Variants in NFXL1 observed in about 807,000 individuals in gnomAD.
NFXL1 encodes NF-X1-type zinc finger protein NFXL1.
NFXL1 carries 66 observed loss-of-function variants against 123.3 expected under a neutral mutation model. The ratio of observed to expected loss-of-function variants is 0.54; its 90% confidence interval spans 0.44 to 0.66. NFXL1 has a LOEUF of 0.66. NFXL1 is among the 30% of genes least tolerant of loss of function. The pLI is 0.00. For synonymous variants in NFXL1, 346 were observed against 360.8 expected (o/e 0.96, Z 0.46); for missense variants, 944 against 1,125.6 (o/e 0.84, Z 2.31).
chr4:47,893,925 T>TAATC (rs1553925883), intron 11 of NFXL1, among the ~76,000 whole-genome samples: 5 of 105,050 alleles, frequency 4.8e-5, no homozygotes, highest in Non-Finnish European at 9.8e-5. Context: ...TGATCAGAAA[T>TAATC]AGTGATCAGA....
At chr4:47,905,372 C>G in intron 3 of NFXL1, 26 bp from the exon 4 acceptor site, 1 of 1,110,962 alleles carries the variant, frequency 9.0e-7, no homozygotes, top group Admixed American at 1.8e-5. Context: ...TTGAAAATCT[C>G]ACCCTAAACA....
At position 47,878,574 on chromosome 4, in the gene NFXL1, T is replaced by C; in HGVS notation, c.2030A>G (p.Lys677Arg). The C allele has an allele frequency of 6.2e-7, 1 of 1,607,488 alleles. No homozygotes were observed. Among genetic ancestry groups the C allele is most frequent in the Non-Finnish European group, 8.5e-7 (1 of 1,176,854 alleles). ...AGTTTTGGTTACTTTGTGGCATTCT[T>C]TCATACATGTGTGATTCTGACAATC... Reference protein sequence around the residue: ...ILDCQNHTCMKECHKVTKTDG... With the variant: ...ILDCQNHTCMRECHKVTKTDG... Residue 677 changes from lysine (K) to arginine (R), a missense_variant, in exon 17 of 23, where the codon AAA becomes AGA. Transcript: ENST00000507489.
At position 47,914,085 on chromosome 4, in the gene NFXL1, C is replaced by T. The variant is rs531616884; in HGVS notation, c.119G>A (p.Gly40Glu). The stretch of plus-strand genomic sequence containing the variant: ...GCCAGAAGGAACTGCGCCCACCGAC[C>T]CCTTCTCTCGCCCTCCTCCGGCGCC... ...LRGAGGGREKGSVGAVPSGTS... is the reference protein window; with the variant it reads ...LRGAGGGREKESVGAVPSGTS... Residue 40 changes from glycine (G) to glutamate (E), a missense_variant, in exon 2 of 23, where the codon GGG becomes GAG. Coordinates refer to ENST00000507489, the MANE Select transcript of NFXL1 (RefSeq NM_001278624.2). 2 of 1,551,022 alleles carry T rather than the reference C, an allele frequency of 1.3e-6. No individual in the cohort carries two copies. The highest frequency in any genetic ancestry group is 2.4e-5 in the South Asian group (2 of 84,120).
chr4:47,894,341 G>T (rs1260679615), intron 10 of NFXL1, 39 bp from the exon 11 acceptor site: 3 of 1,488,164 alleles, frequency 2.0e-6, no homozygotes, highest in Non-Finnish European at 2.7e-6. Context: ...ATTGATTTTT[G>T]TTAATATTTT....
chr4:47,868,220 T>C (rs1332019221), intron 18 of NFXL1, among the ~76,000 whole-genome samples: 1 of 150,848 alleles, frequency 6.6e-6, no homozygotes, highest in Non-Finnish European at 1.5e-5. Context: ...GCGGGAGGCT[T>C]AGGCAGGAAA....
Position 47,886,014 on chromosome 4 carries a change from T to C in NFXL1, c.1544-15A>G, listed in dbSNP as rs749678235. 1 of 1,605,984 alleles carries C rather than the reference T, an allele frequency of 6.2e-7. No individual in the cohort carries two copies. The highest frequency in any genetic ancestry group is 1.7e-5 in the Admixed American group (1 of 57,538). On this transcript the variant is annotated splice_polypyrimidine_tract_variant and intron_variant, in intron 12 of 22. Transcript: ENST00000507489. ...ATAGCAACTGCCTGAAAAAAAAGTCTGACAATTAAAAAGTTTCCTTAACTA... is the reference window on the plus strand; with the variant it reads ...ATAGCAACTGCCTGAAAAAAAAGTCCGACAATTAAAAAGTTTCCTTAACTA...
rs561889229 is a variant in NFXL1 at position 47,867,766 on chromosome 4, G to A, written c.2247-4851C>T. ...AATTTCTCAAAAGTAAAATATAAAC[G>A]AAAGCAGCATAGAGCCACATTTCCA... On this transcript the variant is annotated intron_variant, in intron 18 of 22. Transcript: ENST00000507489. Among the ~76,000 whole-genome samples the A allele has an allele frequency of 2.3e-4, 35 of 152,168 alleles. No individual in the cohort carries two copies. The South Asian group carries it at 6.6e-3, about 29-fold the overall frequency.
chr4:47,851,818 G>T, intron 21 of NFXL1, 38 bp downstream of exon 21: 1 of 1,259,592 alleles, frequency 7.9e-7, no homozygotes, highest in Non-Finnish European at 1.2e-6. Context: ...GAAGGGAAAG[G>T]CCACTAGTCT....
At chr4:47,896,029 C>T (rs761127278) in intron 10 of NFXL1, among the ~76,000 whole-genome samples, 3 of 152,204 alleles carry the variant, frequency 2.0e-5, no homozygotes, top group Non-Finnish European at 4.4e-5. Context: ...GAATGGGGAA[C>T]GACTGGTCAG....
intron 11 of NFXL1, among the ~76,000 whole-genome samples, chr4:47,891,425 A>C (rs1260802279): frequency 6.6e-6 from 1 of 152,068 alleles, no homozygotes; most frequent in African/African-American, 2.4e-5. Flanking sequence ...TTTGGCAGTT[A>C]TTTTCAAACC....
chr4:47,892,650 T>G (rs1736846630), intron 11 of NFXL1, among the ~76,000 whole-genome samples: 1 of 152,148 alleles, frequency 6.6e-6, no homozygotes, highest in African/African-American at 2.4e-5. Flanking sequence ...AAATTAGCCC[T>G]AAACAAAAGA....
At chr4:47,867,642 T>TGGA (rs35467475) in intron 18 of NFXL1, among the ~76,000 whole-genome samples, 52,925 of 151,152 alleles carry the variant, frequency 0.35, 10,223 homozygotes, top group Non-Finnish European at 0.44. Flanking sequence ...ATTTTAAAGA[T>TGGA]GGAGGAGGAG....
rs1235797024 is a variant in NFXL1, at chr4:47,884,348, A to C, written c.1914T>G (p.Pro638=). The C allele has an allele frequency of 6.4e-7, 1 of 1,553,048 alleles. No homozygotes were observed. Among genetic ancestry groups the C allele is most frequent in the East Asian group, 2.2e-5 (1 of 44,488 alleles). The part of the protein sequence containing the change: ...LPCPPCQVPI[P]MECLGKHEVS... ...TTAATTGAAATTCTAATACTTACAT[A>C]GGAATAGGAACTTGACATGGAGGAC... The change falls in exon 15 of 23, where the codon CCT becomes CCG. Residue 638 remains proline, a splice_region_variant and synonymous_variant. Transcript: ENST00000507489.
intron 3 of NFXL1, 52 bp from the exon 4 acceptor site, chr4:47,905,398 A>G (rs1341335967): frequency 2.3e-6 from 2 of 851,154 alleles, no homozygotes; most frequent in African/African-American, 1.7e-5. Flanking sequence ...TGAAAATAAC[A>G]CAAACTCACT....
In NFXL1 at chr4:47,850,800, C is replaced by T. The variant is rs576299679; in HGVS notation, c.2562+295G>A. On this transcript the variant is annotated intron_variant, in intron 22 of 22. Coordinates refer to ENST00000507489, the MANE Select transcript of NFXL1 (RefSeq NM_001278624.2). Reference sequence around the variant, plus strand: ...GGTGATGATTCGCTCACTCTCACTCCCCAGCCAAAGGAGGAATTAAAATTC... The same window carrying T: ...GGTGATGATTCGCTCACTCTCACTCTCCAGCCAAAGGAGGAATTAAAATTC... 2.0e-5 allele frequency among the ~76,000 whole-genome samples: 3 copies of T among 152,048 alleles called. No homozygotes were observed. The South Asian group carries it at 6.2e-4, about 32-fold the overall frequency.
chr4:47,874,985 A>G (rs930639350), intron 18 of NFXL1, 142 bp downstream of exon 18: 4 of 471,936 alleles, frequency 8.5e-6, no homozygotes, highest in Non-Finnish European at 3.8e-6. Flanking sequence ...GTAGTATTCT[A>G]CATGTCTTCC....
intron 4 of NFXL1, 38 bp from the exon 5 acceptor site, chr4:47,903,361 T>A: frequency 7.2e-7 from 1 of 1,390,150 alleles, no homozygotes; most frequent in Non-Finnish European, 9.5e-7. Flanking sequence ...TATGTTAATT[T>A]TTCTTTGTTA....
At position 47,847,281 on chromosome 4, in the gene NFXL1, TTAAA is replaced by T. The variant is rs1257006252; in HGVS notation, c.*878_*881del. 6.6e-6 allele frequency: 1 copy of T among 152,108 alleles called. No homozygotes were observed. Among genetic ancestry groups the T allele is most frequent in the African/African-American group, 2.4e-5 (1 of 41,428 alleles). The allele number at this position is 152,108 out of a possible 1,614,324, so 9.4% of individuals were successfully genotyped here. On this transcript the variant is annotated 3_prime_UTR_variant, in exon 23 of 23. Transcript: ENST00000507489. ...TTAATGAAAACATTAATCATATAAA[TTAAA>T]TAGCAAAACTATTTGAAAGGAATTA...
chr4:47,908,678 T>G (rs6816082), intron 3 of NFXL1, among the ~76,000 whole-genome samples: 111,560 of 151,868 alleles, frequency 0.73, 41,206 homozygotes, highest in South Asian at 0.76. Context: ...ATTTTTGGCC[T>G]GGCGCAATGG....
Sources: allele counts gnomAD v4.1 joint callset (sites outside exome capture counted in the v4.1 genomes callset), GRCh38; gene constraint gnomAD v4.1.1; transcripts MANE v1.5; gene names NCBI Gene and HGNC (gene_info 2026-07-23, HGNC 2026-07-21).